Variants in MEGF10 observed in about 807,000 individuals in gnomAD.
MEGF10 encodes multiple epidermal growth factor-like domains protein 10.
A neutral mutation model predicts 147.5 loss-of-function variants in MEGF10; 86 were observed. The observed-to-expected ratio is 0.58, with a 90% confidence interval of 0.49 to 0.70. The LOEUF is 0.70. Ranked by LOEUF, MEGF10 falls within the 30% of genes least tolerant of loss-of-function variation. The probability of loss-of-function intolerance (pLI) is 0.00; values close to 1 mark genes in which losing one functional copy is unlikely to be tolerated. For missense variants in MEGF10, 1,329 were observed against 1,487.3 expected (o/e 0.89, Z 1.75); for synonymous variants, 478 against 525.5 (o/e 0.91, Z 1.24).
intron 5 of MEGF10, among the ~76,000 whole-genome samples, chr5:127,383,345 A>G (rs1057097343): frequency 5.3e-5 from 8 of 152,240 alleles, no homozygotes; most frequent in South Asian, 2.1e-4. Flanking sequence ...TAATCAGCTT[A>G]TAGTCCTAGC....
the MEGF10 span, among the ~76,000 whole-genome samples, chr5:127,263,155 G>A: frequency 6.6e-6 from 1 of 152,154 alleles, no homozygotes; most frequent in South Asian, 2.1e-4. Context: ...TTAAAAGAAG[G>A]AAAGAAAATC....
the MEGF10 span, among the ~76,000 whole-genome samples, chr5:127,257,101 T>C: frequency 1.3e-5 from 2 of 152,190 alleles, no homozygotes; most frequent in African/African-American, 4.8e-5. Context: ...CAGAACTTCA[T>C]TGTGAGCAAA....
chr5:127,373,302 C>T (rs1762912817), intron 5 of MEGF10, among the ~76,000 whole-genome samples: 1 of 152,112 alleles, frequency 6.6e-6, no homozygotes, highest in Non-Finnish European at 1.5e-5. Context: ...CAGGCATGTG[C>T]CACCACACCT....
intron 4 of MEGF10, among the ~76,000 whole-genome samples, chr5:127,360,862 G>GTATATATATA (rs201793273): frequency 1.3e-5 from 2 of 151,494 alleles, no homozygotes; most frequent in African/African-American, 4.9e-5. Flanking sequence ...ATATATGTGT[G>GTATATATATA]TGTATATATA....
At chr5:127,333,343 C>T (rs148439864) in intron 2 of MEGF10, among the ~76,000 whole-genome samples, 373 of 152,046 alleles carry the variant, frequency 2.5e-3, no homozygotes, top group African/African-American at 8.6e-3. Flanking sequence ...TGGCAAAGCC[C>T]CATCTTTACT....
At chr5:127,442,871 G>C (rs1192605857) in intron 18 of MEGF10, 127 bp from the exon 19 acceptor site, 2 of 948,664 alleles carry the variant, frequency 2.1e-6, no homozygotes. Context: ...ACTCTTGGGG[G>C]TACAAGTCAG....
the MEGF10 span, among the ~76,000 whole-genome samples, chr5:127,239,538 CA>C: frequency 6.8e-6 from 1 of 147,100 alleles, no homozygotes; most frequent in African/African-American, 2.5e-5. Flanking sequence ...ATAAAGTTAA[CA>C]AAATGTTAAC....
chr5:127,321,149 G>C (rs1561569468), intron 1 of MEGF10, among the ~76,000 whole-genome samples: 1 of 152,176 alleles, frequency 6.6e-6, no homozygotes, highest in Admixed American at 6.5e-5. Flanking sequence ...CTGGGTTCTA[G>C]TGTTGAGCCA....
intron 23 of MEGF10, among the ~76,000 whole-genome samples, chr5:127,455,171 T>G (rs916582565): frequency 6.6e-6 from 1 of 152,108 alleles, no homozygotes; most frequent in Non-Finnish European, 1.5e-5. Flanking sequence ...AAAAATGAAA[T>G]CAGTTAATGA....
chr5:127,309,610 A>G (rs536422890), intron 1 of MEGF10, among the ~76,000 whole-genome samples: 26 of 152,220 alleles, frequency 1.7e-4, no homozygotes, highest in Non-Finnish European at 3.5e-4. Flanking sequence ...AAGTTGTAGC[A>G]TGTGCCAGTT....
chr5:127,370,371 C>CT (rs1454309246), intron 5 of MEGF10, among the ~76,000 whole-genome samples: 1 of 152,102 alleles, frequency 6.6e-6, no homozygotes, highest in African/African-American at 2.4e-5. Flanking sequence ...GTTGATTTCT[C>CT]TAAGAAAATC....
chr5:127,233,756 C>A, the MEGF10 span, among the ~76,000 whole-genome samples: 2 of 152,154 alleles, frequency 1.3e-5, no homozygotes, highest in African/African-American at 4.8e-5. Flanking sequence ...TTACCGGGAG[C>A]TCATTTGTCA....
At chr5:127,264,706 G>A in the MEGF10 span, among the ~76,000 whole-genome samples, 3 of 152,002 alleles carry the variant, frequency 2.0e-5, no homozygotes, top group Admixed American at 6.5e-5. Flanking sequence ...GTCCTGGCTC[G>A]GTCTAAGTAA....
chr5:127,359,061 T>G lies in MEGF10; in HGVS notation c.320-10849T>G, dbSNP rs1352177307. Among the ~76,000 whole-genome samples, 10 of 151,562 alleles carry G rather than the reference T, an allele frequency of 6.6e-5. No individual in the cohort carries two copies. The East Asian group carries it at 1.7e-3, about 26-fold the overall frequency. The stretch of plus-strand genomic sequence containing the variant: ...CTATTTCAACACAAGCTGTTTTGTT[T>G]TTTTTTTTTTCTGTATGAGTCAATT... On this transcript the variant is annotated intron_variant, in intron 4 of 24. Transcript: ENST00000503335.
chr5:127,371,886 G>A (rs1762863290), intron 5 of MEGF10, among the ~76,000 whole-genome samples: 1 of 152,122 alleles, frequency 6.6e-6, no homozygotes, highest in African/African-American at 2.4e-5. Flanking sequence ...AAATAAACAT[G>A]AACAGATGTC....
intron 4 of MEGF10, among the ~76,000 whole-genome samples, chr5:127,348,345 T>C (rs1761968092): frequency 6.6e-6 from 1 of 152,162 alleles, no homozygotes; most frequent in African/African-American, 2.4e-5. Flanking sequence ...TTTTTCTGAT[T>C]CTAGCTTTGT....
At chr5:127,445,201 G>C in intron 19 of MEGF10, 1 of 470,264 alleles carries the variant, frequency 2.1e-6, no homozygotes, top group African/African-American at 2.0e-5. Context: ...TGAGTAGCTG[G>C]AACTCCGGGC....
chr5:127,449,312 A>G lies in MEGF10; in HGVS notation c.2980+90A>G. On this transcript the variant is annotated intron_variant, in intron 22 of 24. Coordinates refer to ENST00000503335, the MANE Select transcript of MEGF10 (RefSeq NM_001256545.2). ...ATCTCTGTTTGTGCCAAGGTGTTCTATTGAAAACTTGCATCAAAAAGCACA... is the reference window on the plus strand; with the variant it reads ...ATCTCTGTTTGTGCCAAGGTGTTCTGTTGAAAACTTGCATCAAAAAGCACA... 5 of 1,553,428 alleles carry G rather than the reference A, an allele frequency of 3.2e-6. No individual in the cohort carries two copies. The South Asian group carries it at 3.6e-5, about 11-fold the overall frequency.
At chr5:127,451,563 T>C (rs1031468942) in intron 22 of MEGF10, among the ~76,000 whole-genome samples, 2 of 152,226 alleles carry the variant, frequency 1.3e-5, no homozygotes, top group Admixed American at 6.5e-5. Context: ...AAGGAATATA[T>C]GAATTGATAT....
Sources: gnomAD v4.1 joint callset for allele counts (sites outside exome capture counted in the v4.1 genomes callset) on GRCh38, gnomAD v4.1.1 for gene constraint, MANE v1.5 for transcripts, NCBI Gene and HGNC (gene_info 2026-07-23, HGNC 2026-07-21) for gene names.